PCDH15: variants seen among roughly 807,000 people sequenced by gnomAD.
The protein encoded by PCDH15 is protocadherin related 15.
Under a neutral mutation model 178.5 loss-of-function variants are expected in PCDH15, and 129 were observed. The ratio of observed to expected loss-of-function variants is 0.72; its 90% CI spans 0.63 to 0.84. The LOEUF is 0.84. PCDH15 is among the 40% of genes least tolerant of loss of function. The pLI is 0.00. For synonymous variants in PCDH15, 800 were observed against 732.0 expected (o/e 1.09, Z -1.50); for missense variants, 2,230 against 2,099.9 (o/e 1.06, Z -1.21).
At chr10:54,950,862 G>A (rs990587374) in intron 2 of PCDH15, among the ~76,000 whole-genome samples, 4 of 151,728 alleles carry the variant, frequency 2.6e-5, no homozygotes, top group Admixed American at 2.6e-4. Context: ...TATTCTATTT[G>A]GAAATTATGT....
At chr10:54,759,851 C>G (rs1455927940) in intron 1 of PCDH15, among the ~76,000 whole-genome samples, 1 of 152,184 alleles carries the variant, frequency 6.6e-6, no homozygotes, top group Admixed American at 6.5e-5. Flanking sequence ...TGCCTCTGTA[C>G]AGCTGCAACC....
At chr10:55,401,378 T>G (rs1565100385) in intron 2 of PCDH15, among the ~76,000 whole-genome samples, 1 of 151,996 alleles carries the variant, frequency 6.6e-6, no homozygotes, top group Non-Finnish European at 1.5e-5. Context: ...TGCTACATAA[T>G]TCGTAGTCAT....
intron 15 of PCDH15, among the ~76,000 whole-genome samples, chr10:54,121,469 C>T (rs1260885210): frequency 6.6e-6 from 1 of 151,858 alleles, no homozygotes; most frequent in Non-Finnish European, 1.5e-5. Context: ...AATTGAGACC[C>T]AAAATTCCAC....
intron 2 of PCDH15, among the ~76,000 whole-genome samples, chr10:54,635,374 C>T (rs192230738): frequency 7.7e-6 from 1 of 130,082 alleles, no homozygotes; most frequent in Admixed American, 8.1e-5. Flanking sequence ...TTCCTTAATT[C>T]ATCTCATATA....
chr10:55,196,897 A>G (rs952161639), intron 1 of PCDH15, among the ~76,000 whole-genome samples: 3 of 152,062 alleles, frequency 2.0e-5, no homozygotes, highest in Non-Finnish European at 4.4e-5. Context: ...ACATTTACAA[A>G]AAAATACTGT....
chr10:55,052,998 A>G (rs1841204221), intron 2 of PCDH15, among the ~76,000 whole-genome samples: 1 of 152,182 alleles, frequency 6.6e-6, no homozygotes, highest in African/African-American at 2.4e-5. Flanking sequence ...GACATTGTTT[A>G]AATGTAAGCA....
intron 18 of PCDH15, among the ~76,000 whole-genome samples, chr10:54,028,095 AAAAC>A (rs2093169600): frequency 6.6e-6 from 1 of 151,306 alleles, no homozygotes; most frequent in East Asian, 1.9e-4. Flanking sequence ...TTACAAGAAA[AAAAC>A]AAACAACCCC....
chr10:54,944,194 A>G (rs2131866705), intron 2 of PCDH15, among the ~76,000 whole-genome samples: 1 of 152,084 alleles, frequency 6.6e-6, no homozygotes, highest in East Asian at 1.9e-4. Context: ...ATTAGGGAAA[A>G]GTAAAACTGT....
intron 7 of PCDH15, among the ~76,000 whole-genome samples, chr10:54,321,174 T>C (rs2061580886): frequency 7.1e-6 from 1 of 141,782 alleles, no homozygotes; most frequent in Non-Finnish European, 1.5e-5. Context: ...AAAATTTTTT[T>C]ATTTATAAAA....
intron 2 of PCDH15, among the ~76,000 whole-genome samples, chr10:55,464,038 A>G (rs1157740343): frequency 7.9e-6 from 1 of 126,186 alleles, no homozygotes. Context: ...AGAAAGAAAG[A>G]AAGAAAGAAA....
At chr10:55,493,415 TCATACA>T (rs1490837361) in intron 2 of PCDH15, among the ~76,000 whole-genome samples, 1 of 151,366 alleles carries the variant, frequency 6.6e-6, no homozygotes, top group Non-Finnish European at 1.5e-5. Flanking sequence ...GGGTGTGGTG[TCATACA>T]CCTGTAGCTA....
chr10:55,313,460 T>G (rs938433782), intron 1 of PCDH15, among the ~76,000 whole-genome samples: 1 of 152,196 alleles, frequency 6.6e-6, no homozygotes, highest in Non-Finnish European at 1.5e-5. Context: ...AAATTTTGTG[T>G]AAAGGTTACC....
chr10:54,874,035 A>C (rs1414769955), intron 3 of PCDH15, among the ~76,000 whole-genome samples: 1 of 128,354 alleles, frequency 7.8e-6, no homozygotes, highest in African/African-American at 3.0e-5. Flanking sequence ...GGTTAGTTAC[A>C]TATGTATACA....
At chr10:54,228,355 AT>A (rs1413087067) in intron 9 of PCDH15, among the ~76,000 whole-genome samples, 3 of 152,282 alleles carry the variant, frequency 2.0e-5, no homozygotes. Flanking sequence ...TTAAAAAAAA[AT>A]CATCAGATCT....
intron 2 of PCDH15, among the ~76,000 whole-genome samples, chr10:55,623,478 G>A (rs2463943): frequency 0.26 from 39,484 of 151,802 alleles, 6,008 homozygotes; most frequent in Non-Finnish European, 0.35. Flanking sequence ...GGATTTTTTT[G>A]GGTAGTATGG....
At chr10:54,927,693 CT>C (rs1199504566) in intron 2 of PCDH15, among the ~76,000 whole-genome samples, 1 of 152,018 alleles carries the variant, frequency 6.6e-6, no homozygotes, top group East Asian at 1.9e-4. Flanking sequence ...AAGTAATGCC[CT>C]TTTTTGTCTT....
intron 2 of PCDH15, among the ~76,000 whole-genome samples, chr10:54,969,482 G>A (rs1231516167): frequency 6.6e-6 from 1 of 152,088 alleles, no homozygotes; most frequent in Admixed American, 6.5e-5. Context: ...TTCTTTTCAG[G>A]TTCTTTCCAT....
chr10:54,404,834 G>A (rs1204361582), intron 3 of PCDH15, among the ~76,000 whole-genome samples: 1 of 151,978 alleles, frequency 6.6e-6, no homozygotes, highest in African/African-American at 2.4e-5. Flanking sequence ...GTGGGCAAAG[G>A]ACATGAATAG....
intron 2 of PCDH15, among the ~76,000 whole-genome samples, chr10:55,453,740 A>G (rs1024719840): frequency 2.0e-5 from 3 of 151,976 alleles, no homozygotes; most frequent in African/African-American, 7.2e-5. Flanking sequence ...CCCAATTCCA[A>G]TTCCAAGCCA....
Sources: allele counts gnomAD v4.1 joint callset (sites outside exome capture counted in the v4.1 genomes callset), GRCh38; gene constraint gnomAD v4.1.1; transcripts MANE v1.5; gene names NCBI Gene and HGNC (gene_info 2026-07-23, HGNC 2026-07-21).